The following CEP63 variants were observed in gnomAD, a reference collection of about 807,000 sequenced individuals.
CEP63 encodes the protein centrosomal protein of 63 kDa.
CEP63 carries 84 observed loss-of-function variants against 89.1 expected under a neutral mutation model. The observed-to-expected ratio is 0.94, with a 90% CI of 0.79 to 1.13. The LOEUF (loss-of-function observed/expected upper bound fraction) is 1.13, where lower values mean the gene tolerates loss of function less well. CEP63 is among the 50% of genes most tolerant of loss of function. CEP63 has a pLI of 0.00. For synonymous variants in CEP63, 267 were observed against 272.5 expected (o/e 0.98, Z 0.20); for missense variants, 838 against 813.3 (o/e 1.03, Z -0.37).
the CEP63 span, among the ~76,000 whole-genome samples, chr3:134,693,858 C>T: frequency 1.3e-5 from 2 of 152,170 alleles, no homozygotes; most frequent in Admixed American, 6.5e-5. Context: ...TACCGGGGGC[C>T]TGGTATTGAG....
chr3:134,506,278 T>C (rs1943432053), intron 2 of CEP63, among the ~76,000 whole-genome samples: 1 of 152,214 alleles, frequency 6.6e-6, no homozygotes. Flanking sequence ...AGTAAGTTTC[T>C]GACAGAAAGG....
At chr3:134,493,355 T>C (rs1938430466) in intron 1 of CEP63, among the ~76,000 whole-genome samples, 1 of 151,556 alleles carries the variant, frequency 6.6e-6, no homozygotes, top group African/African-American at 2.4e-5. Flanking sequence ...TGGGTCTCCA[T>C]CTAGTGTGGT....
At chr3:134,715,070 T>C in the CEP63 span, among the ~76,000 whole-genome samples, 16 of 152,170 alleles carry the variant, frequency 1.1e-4, no homozygotes, top group African/African-American at 3.6e-4. Context: ...GCCCTCCACA[T>C]CTTTGTTGCT....
chr3:134,532,030 G>T (rs1008761550), intron 4 of CEP63, 90 bp downstream of exon 4: 21 of 812,736 alleles, frequency 2.6e-5, no homozygotes, highest in East Asian at 8.0e-5. Flanking sequence ...TTTCTACTTT[G>T]TAAAGTGGGA....
the CEP63 span, among the ~76,000 whole-genome samples, chr3:134,740,083 G>T: frequency 2.6e-5 from 4 of 152,002 alleles, no homozygotes; most frequent in African/African-American, 9.7e-5. Context: ...AGTAGAACAC[G>T]GAGTATCTGA....
the CEP63 span, among the ~76,000 whole-genome samples, chr3:134,622,256 G>A: frequency 6.6e-6 from 1 of 152,084 alleles, no homozygotes; most frequent in African/African-American, 2.4e-5. Flanking sequence ...ACAGACATTT[G>A]TTTCCCCAAT....
the CEP63 span, among the ~76,000 whole-genome samples, chr3:134,617,860 G>A: frequency 7.9e-5 from 12 of 152,200 alleles, no homozygotes; most frequent in Non-Finnish European, 1.6e-4. Flanking sequence ...CTTGGCTGAG[G>A]TCAGATTTTG....
chr3:134,522,197 T>A, intron 3 of CEP63, among the ~76,000 whole-genome samples: 1 of 152,166 alleles, frequency 6.6e-6, no homozygotes, highest in East Asian at 1.9e-4. Context: ...TATATGTAAT[T>A]TGGGATTTAT....
the CEP63 span, among the ~76,000 whole-genome samples, chr3:134,668,703 G>T: frequency 6.6e-6 from 1 of 152,172 alleles, no homozygotes; most frequent in African/African-American, 2.4e-5. Context: ...TCTTTTAACT[G>T]AACTCTATGG....
At chr3:134,674,610 G>T in the CEP63 span, among the ~76,000 whole-genome samples, 3 of 152,002 alleles carry the variant, frequency 2.0e-5, no homozygotes, top group African/African-American at 7.2e-5. Flanking sequence ...GAAACAAAAG[G>T]CATCCAAATT....
rs775917972 is a variant in CEP63 at position 134,507,121 on chromosome 3, A to G, written c.57A>G (p.Thr19=). The G allele has an allele frequency of 1.9e-6, 3 of 1,613,618 alleles. No homozygotes were observed. Among genetic ancestry groups the G allele is most frequent in the Non-Finnish European group, 2.5e-6 (3 of 1,179,724 alleles). The stretch of plus-strand genomic sequence containing the variant: ...TTCTTCTTTATAGGGGATTTTTGAC[A>G]TCTTGTGAAGCAGAACTACAGGAGC... ...QNRGHGGGFL[T]SCEAELQELM... Residue 19 remains threonine (T), a synonymous_variant, in exon 3 of 15, where the codon ACA becomes ACG. Coordinates refer to ENST00000675561, the MANE Select transcript of CEP63 (RefSeq NM_001353108.3).
the CEP63 span, among the ~76,000 whole-genome samples, chr3:134,689,775 C>G: frequency 2.0e-5 from 3 of 152,074 alleles, no homozygotes; most frequent in Non-Finnish European, 2.9e-5. Context: ...TTTAATGAAC[C>G]TGTACTAATG....
chr3:134,712,057 T>C, the CEP63 span, among the ~76,000 whole-genome samples: 2 of 152,236 alleles, frequency 1.3e-5, no homozygotes, highest in Non-Finnish European at 2.9e-5. Flanking sequence ...CCCAGCCTGA[T>C]GTCACTCATT....
intron 11 of CEP63, among the ~76,000 whole-genome samples, chr3:134,572,966 T>G (rs1201975177): frequency 6.6e-6 from 1 of 152,188 alleles, no homozygotes; most frequent in African/African-American, 2.4e-5. Context: ...TGATAGGAGA[T>G]GGTTATCTCA....
At chr3:134,627,480 G>A in the CEP63 span, among the ~76,000 whole-genome samples, 3,930 of 152,212 alleles carry the variant, frequency 0.026, 74 homozygotes, top group South Asian at 0.053. Context: ...CCTGAATTAC[G>A]ATTTTAATAT....
chr3:134,567,541 A>G (rs1257647226), downstream of CEP63, among the ~76,000 whole-genome samples: 3 of 151,578 alleles, frequency 2.0e-5, no homozygotes, highest in Admixed American at 6.6e-5. Flanking sequence ...GGAATACCAC[A>G]ACACATATAG....
chr3:134,491,615 C>CT (rs1937572568), intron 1 of CEP63, among the ~76,000 whole-genome samples: 1 of 152,088 alleles, frequency 6.6e-6, no homozygotes, highest in Non-Finnish European at 1.5e-5. Context: ...TTTTTAAAAA[C>CT]TTTAATATTT....
chr3:134,534,958 G>T (rs2109137748), intron 5 of CEP63, among the ~76,000 whole-genome samples: 1 of 152,132 alleles, frequency 6.6e-6, no homozygotes, highest in East Asian at 1.9e-4. Context: ...CATGTACCCT[G>T]CCTTCCTTCC....
the CEP63 span, among the ~76,000 whole-genome samples, chr3:134,728,565 A>G: frequency 6.5e-3 from 993 of 152,316 alleles, 6 homozygotes; most frequent in Non-Finnish European, 0.011. Flanking sequence ...TACCAGATAC[A>G]GGGGACACAA....
Sources: allele counts gnomAD v4.1 joint callset (sites outside exome capture counted in the v4.1 genomes callset), GRCh38; gene constraint gnomAD v4.1.1; transcripts MANE v1.5; gene names NCBI Gene and HGNC (gene_info 2026-07-23, HGNC 2026-07-21).